The following KIAA2012 variants were observed in gnomAD, a reference collection of about 807,000 sequenced individuals.
KIAA2012 encodes uncharacterized protein KIAA2012.
A neutral mutation model predicts 150.6 loss-of-function variants in KIAA2012; 125 were observed. That is an observed-to-expected ratio of 0.83 (90% CI 0.72 to 0.96). The LOEUF (loss-of-function observed/expected upper bound fraction) is 0.96, where lower values mean the gene tolerates loss of function less well. KIAA2012 is among the 40% of genes least tolerant of loss of function. KIAA2012 has a pLI of 0.00. For missense variants in KIAA2012, 1,219 were observed against 1,354.9 expected, an observed-to-expected ratio of 0.90 and a Z score of 1.57; for synonymous variants, 462 against 504.7, an observed-to-expected ratio of 0.92 and a Z score of 1.13.
chr2:202,134,917 C>A (rs533634470), intron 12 of KIAA2012, among the ~76,000 whole-genome samples: 3 of 152,330 alleles, frequency 2.0e-5, no homozygotes, highest in African/African-American at 7.2e-5. Flanking sequence ...ATAGCCAATG[C>A]AGATTTAAAT....
chr2:202,203,775 T>C (rs1692579020), intron 23 of KIAA2012, among the ~76,000 whole-genome samples: 4 of 151,252 alleles, frequency 2.6e-5, no homozygotes, highest in Admixed American at 2.0e-4. Context: ...AGGATGTCTT[T>C]TTTTTTTTTT....
chr2:202,100,765 A>G (rs892575086), intron 7 of KIAA2012, among the ~76,000 whole-genome samples: 7 of 152,240 alleles, frequency 4.6e-5, no homozygotes, highest in Non-Finnish European at 8.8e-5. Context: ...GTTTTAAAGG[A>G]CAGAATTTGA....
At chr2:202,129,361 G>A (rs62195618) in intron 12 of KIAA2012, among the ~76,000 whole-genome samples, 45,003 of 151,236 alleles carry the variant, frequency 0.3, 6,873 homozygotes, top group South Asian at 0.33. Context: ...GTGGGATTAC[G>A]GGCACCCGCC....
chr2:202,193,184 G>C, intron 19 of KIAA2012, 117 bp from the exon 20 acceptor site: 6 of 1,040,352 alleles, frequency 5.8e-6, no homozygotes, highest in Non-Finnish European at 8.5e-6. Flanking sequence ...GGCAAAGTGT[G>C]GAGTCTGTTT....
rs1264483262 is a variant in KIAA2012 at position 202,109,749 on chromosome 2, G to A, written c.1611G>A (p.Pro537=). 42 of 1,549,936 alleles carry A rather than the reference G, an allele frequency of 2.7e-5. No individual in the cohort carries two copies. The highest frequency in any genetic ancestry group is 2.4e-5 in the Non-Finnish European group (28 of 1,146,760). The change falls in exon 10 of 24, where the codon CCG becomes CCA. Residue 537 remains proline (P), a synonymous_variant. Coordinates refer to ENST00000498697, the MANE Select transcript of KIAA2012 (RefSeq NM_001277372.4). ...ACCACAACAGCCCCCCAAGTCTCCC[G>A]AACATGAGAGTGCCCAGGAGGGCAC... ...TSDHNSPPSL[P]NMRVPRRALP... is the part of the protein sequence containing the mutation.
chr2:202,102,503 T>C (rs1690073250), intron 7 of KIAA2012, among the ~76,000 whole-genome samples: 1 of 152,184 alleles, frequency 6.6e-6, no homozygotes, highest in Admixed American at 6.5e-5. Context: ...TTAGATAAGG[T>C]CAGCAATCAC....
In KIAA2012 at chr2:202,190,469, G is replaced by C. The variant is rs1170405854; in HGVS notation, c.2787G>C (p.Glu929Asp). The change falls in exon 19 of 24, where the codon GAG (glutamate) becomes GAC (aspartate). Residue 929 changes from glutamate to aspartate, a missense_variant. Glu to Asp is a conservative substitution (Grantham distance 45). Transcript: ENST00000498697. ...TVTGNMESKE[E>D]RRCEDPSKAL... Reference sequence around the variant, plus strand: ...CTGGCAACATGGAATCTAAAGAAGAGAGAAGATGTGAGGACCCTTCCAAGG... The same window carrying C: ...CTGGCAACATGGAATCTAAAGAAGACAGAAGATGTGAGGACCCTTCCAAGG... 6.5e-7 allele frequency: 1 copy of C among 1,538,144 alleles called. No individual in the cohort carries two copies. Among genetic ancestry groups the C allele is most frequent in the Non-Finnish European group, 8.8e-7 (1 of 1,140,098 alleles).
intron 2 of KIAA2012, 139 bp from the exon 3 acceptor site, chr2:202,090,631 C>T: frequency 6.5e-6 from 6 of 921,244 alleles, no homozygotes; most frequent in East Asian, 5.7e-5. Context: ...GTCTATTAGC[C>T]GAGGCATCTG....
chr2:202,186,315 C>A (rs1692225254), intron 16 of KIAA2012, among the ~76,000 whole-genome samples: 1 of 151,996 alleles, frequency 6.6e-6, no homozygotes, highest in Non-Finnish European at 1.5e-5. Context: ...GAGTTTGAGA[C>A]CAGCCTGACT....
Position 202,189,365 on chromosome 2 carries a change from C to G in KIAA2012, c.2492-809C>G, listed in dbSNP as rs1692286027. On this transcript the variant is annotated intron_variant, in intron 18 of 23. Coordinates refer to ENST00000498697, the MANE Select transcript of KIAA2012 (RefSeq NM_001277372.4). ...GGAGTGCAGTGGCATGATCTCGGCT[C>G]ACTGCAACCTCCGCCTCCTGGGTTC... Among the ~76,000 whole-genome samples the G allele has an allele frequency of 5.3e-5, 8 of 151,440 alleles. No homozygotes were observed. In the South Asian group the frequency reaches 1.7e-3, roughly 32 times the overall value.
intron 11 of KIAA2012, among the ~76,000 whole-genome samples, chr2:202,122,843 G>T (rs1216763051): frequency 1.3e-5 from 2 of 152,114 alleles, no homozygotes; most frequent in African/African-American, 2.4e-5. Flanking sequence ...AGTTAAGAAG[G>T]TTGTTTCGGA....
intron 8 of KIAA2012, among the ~76,000 whole-genome samples, chr2:202,103,790 G>T (rs559571773): frequency 6.6e-6 from 1 of 152,184 alleles, no homozygotes; most frequent in Non-Finnish European, 1.5e-5. Flanking sequence ...TCCAACTGGC[G>T]ACGTGGGCTT....
At chr2:202,170,604 G>A (rs934125862) in intron 15 of KIAA2012, among the ~76,000 whole-genome samples, 5 of 152,258 alleles carry the variant, frequency 3.3e-5, no homozygotes, top group Admixed American at 1.3e-4. Context: ...AGATATGTGT[G>A]CAGACAGCTC....
intron 15 of KIAA2012, among the ~76,000 whole-genome samples, chr2:202,169,811 A>G (rs546217163): frequency 8.3e-4 from 126 of 152,340 alleles, no homozygotes; most frequent in African/African-American, 3.0e-3. Context: ...TTCAGATTCA[A>G]AAGACATGGA....
chr2:202,074,665 T>C (rs574764620), intron 1 of KIAA2012, among the ~76,000 whole-genome samples: 1 of 152,308 alleles, frequency 6.6e-6, no homozygotes, highest in East Asian at 1.9e-4. Context: ...ATGACTCTCC[T>C]GAAAGTTGTA....
intron 2 of KIAA2012, among the ~76,000 whole-genome samples, chr2:202,084,824 G>T (rs1419024716): frequency 6.6e-6 from 1 of 152,010 alleles, no homozygotes; most frequent in Non-Finnish European, 1.5e-5. Context: ...CTGAAAACTT[G>T]ATTTTATTTT....
Position 202,190,384 on chromosome 2 carries a change from C to T in KIAA2012, c.2702C>T (p.Ala901Val), listed in dbSNP as rs1273285972. 3 of 1,550,434 alleles carry T rather than the reference C, an allele frequency of 1.9e-6. No homozygotes were observed. Among genetic ancestry groups the T allele is most frequent in the Admixed American group, 3.9e-5 (2 of 50,930 alleles). Residue 901 changes from alanine (A) to valine (V), a missense_variant, in exon 19 of 24, where the codon GCC (alanine) becomes GTC (valine). Transcript: ENST00000498697. ...CCTTGGCTTTCTCCCAAATATGATG[C>T]CCAGGAAAGCCAAGTTTCTCTAGAT... Reference protein sequence around the residue: ...EDPWLSPKYDAQESQVSLDGR... With the variant: ...EDPWLSPKYDVQESQVSLDGR...
chr2:202,156,983 A>T (rs1214776851), intron 14 of KIAA2012, among the ~76,000 whole-genome samples: 1 of 152,168 alleles, frequency 6.6e-6, no homozygotes, highest in Non-Finnish European at 1.5e-5. Context: ...TTTGTATTAC[A>T]CTTTTTTTGT....
intron 5 of KIAA2012, 35 bp downstream of exon 5, chr2:202,097,612 C>T (rs925973645): frequency 2.4e-5 from 37 of 1,535,604 alleles, no homozygotes; most frequent in Non-Finnish European, 3.1e-5. Context: ...TTCCCCGAGA[C>T]GGAGTCTCAC....
Sources: gnomAD v4.1 joint callset for allele counts (sites outside exome capture counted in the v4.1 genomes callset) on GRCh38, gnomAD v4.1.1 for gene constraint, MANE v1.5 for transcripts, NCBI Gene and HGNC (gene_info 2026-07-23, HGNC 2026-07-21) for gene names.